Variants in DACH2 observed in about 807,000 individuals in gnomAD.
DACH2 encodes dachshund homolog 2.
Under a neutral mutation model 35.8 loss-of-function variants are expected in DACH2, and 17 were observed. That is an observed-to-expected ratio of 0.48 (90% CI 0.33 to 0.71). The LOEUF is 0.71. DACH2 is among the 30% of genes least tolerant of loss of function. The pLI is 0.02. For missense variants in DACH2, 469 were observed against 472.7 expected (o/e 0.99, Z 0.07); for synonymous variants, 195 against 177.3 (o/e 1.10, Z -0.79).
chrX:86,457,487 G>A (rs1465807909), intron 2 of DACH2, among the ~76,000 whole-genome samples: 2 of 112,040 alleles, frequency 1.8e-5, no homozygotes. Flanking sequence ...GTGTGTGTAT[G>A]TGTTACTAAG....
At chrX:86,358,013 G>T (rs1175638334) in intron 1 of DACH2, among the ~76,000 whole-genome samples, 1 of 111,349 alleles carries the variant, frequency 9.0e-6, no homozygotes, top group Non-Finnish European at 1.9e-5. Context: ...CAGGTAATGG[G>T]AACACTACAT....
chrX:86,662,996 A>T (rs1357429989), intron 4 of DACH2, among the ~76,000 whole-genome samples: 4 of 112,099 alleles, frequency 3.6e-5, no homozygotes, highest in Non-Finnish European at 7.5e-5. Flanking sequence ...ATTTATCAAA[A>T]ATTGTACTAT....
intron 10 of DACH2, 91 bp downstream of exon 10, chrX:86,814,925 A>G: frequency 3.1e-6 from 3 of 978,283 alleles, no homozygotes; most frequent in Non-Finnish European, 4.2e-6. Context: ...AGAGGAAGGC[A>G]GAAAGAAAGG....
chrX:86,808,516 T>C (rs940624579), intron 7 of DACH2, among the ~76,000 whole-genome samples: 4 of 110,908 alleles, frequency 3.6e-5, no homozygotes, highest in Non-Finnish European at 7.6e-5. Flanking sequence ...TGAAGCTATG[T>C]ACACTTCCTT....
intron 1 of DACH2, among the ~76,000 whole-genome samples, chrX:86,344,210 T>G (rs1485910306): frequency 9.2e-6 from 1 of 108,916 alleles, no homozygotes; most frequent in African/African-American, 3.3e-5. Flanking sequence ...CCACATAAAT[T>G]AAAAATAAAA....
chrX:86,458,784 G>C (rs903563237), intron 2 of DACH2, among the ~76,000 whole-genome samples: 3 of 111,419 alleles, frequency 2.7e-5, no homozygotes, highest in Non-Finnish European at 5.7e-5. Flanking sequence ...ATCATGCAGA[G>C]GCATTACTTA....
intron 1 of DACH2, among the ~76,000 whole-genome samples, chrX:86,318,689 A>G (rs887721688): frequency 9.0e-6 from 1 of 111,447 alleles, no homozygotes; most frequent in Non-Finnish European, 1.9e-5. Context: ...GTACCTAAAC[A>G]TGTTAAATAA....
intron 4 of DACH2, among the ~76,000 whole-genome samples, chrX:86,671,158 A>G (rs2040760353): frequency 8.9e-6 from 1 of 112,270 alleles, no homozygotes; most frequent in South Asian, 3.7e-4. Context: ...AGCTAGAAAT[A>G]AATACCATTA....
intron 4 of DACH2, among the ~76,000 whole-genome samples, chrX:86,672,397 A>G (rs1413864134): frequency 8.9e-6 from 1 of 111,947 alleles, no homozygotes; most frequent in Non-Finnish European, 1.9e-5. Context: ...AGAGACATTC[A>G]TGGCAGCAGC....
chrX:86,186,674 A>G (rs950228797), intron 1 of DACH2, among the ~76,000 whole-genome samples: 13 of 111,894 alleles, frequency 1.2e-4, no homozygotes, highest in African/African-American at 3.2e-5. Context: ...AATGCTGTGA[A>G]TTCAAGGAGA....
chrX:86,294,971 T>A (rs1260547120), intron 1 of DACH2, among the ~76,000 whole-genome samples: 2 of 112,278 alleles, frequency 1.8e-5, no homozygotes, highest in Non-Finnish European at 3.8e-5. Context: ...TCCTGGCTGC[T>A]TTGTTTACCT....
rs769556111 is a variant in DACH2 at position 86,217,438 on chromosome X, T to A, written c.488+68330T>A. Among the ~76,000 whole-genome samples, 5 of 111,822 alleles carry A rather than the reference T, an allele frequency of 4.5e-5. No individual in the cohort carries two copies. In the South Asian group the frequency reaches 1.9e-3, roughly 42 times the overall value. ...CCTGTTAGGGAAGTAATAAGCATGC[T>A]GTAAATTTATTACTAATAATAAAAC... On this transcript the variant is annotated intron_variant, in intron 1 of 11. Transcript: ENST00000373125.
chrX:86,289,439 A>G (rs1044153081), intron 1 of DACH2, among the ~76,000 whole-genome samples: 8 of 107,547 alleles, frequency 7.4e-5, no homozygotes, highest in Non-Finnish European at 1.3e-4. Context: ...TTATTATTAT[A>G]CTTTAAGTTT....
At chrX:86,456,506 C>A (rs1306588522) in intron 2 of DACH2, among the ~76,000 whole-genome samples, 1 of 111,141 alleles carries the variant, frequency 9.0e-6, no homozygotes, top group Non-Finnish European at 1.9e-5. Context: ...TCTTTCTATC[C>A]CTTTTATCAT....
chrX:86,731,433 G>A (rs1190108557), intron 6 of DACH2, among the ~76,000 whole-genome samples: 3 of 111,223 alleles, frequency 2.7e-5, no homozygotes, highest in Non-Finnish European at 5.7e-5. Context: ...ACTCTTCACG[G>A]CAATCTTTTC....
In DACH2 at chrX:86,315,788, G is replaced by GAC. The variant is rs774427717; in HGVS notation, c.489-60984_489-60983dup. On this transcript the variant is annotated intron_variant, in intron 1 of 11. Transcript: ENST00000373125. ...ACGGCCAAGGAAATTGAGGGTCGTG[G>GAC]ACACACACACACACACACACACACA... Among the ~76,000 whole-genome samples, 353 of 78,500 alleles carry GAC rather than the reference G, an allele frequency of 4.5e-3. 4 individuals carry two copies. Among genetic ancestry groups the GAC allele is most frequent in the Non-Finnish European group, 7.3e-3 (306 of 41,667 alleles). 68.2% of individuals were successfully genotyped at this position (78,500 alleles called of 115,157 possible).
chrX:86,472,867 C>A (rs1179854865), intron 2 of DACH2, among the ~76,000 whole-genome samples: 13 of 111,929 alleles, frequency 1.2e-4, no homozygotes. Flanking sequence ...GCATTGTTAA[C>A]TGAACCTAAT....
intron 4 of DACH2, among the ~76,000 whole-genome samples, chrX:86,688,535 C>A (rs1329839090): frequency 8.9e-6 from 1 of 111,858 alleles, no homozygotes; most frequent in East Asian, 2.8e-4. Flanking sequence ...ACTGAGAGAT[C>A]TTTGAGGGCA....
chrX:86,687,989 T>C (rs923055998), intron 4 of DACH2, among the ~76,000 whole-genome samples: 1 of 110,841 alleles, frequency 9.0e-6, no homozygotes, highest in Non-Finnish European at 1.9e-5. Flanking sequence ...AGTGTATACC[T>C]ATGTAACAAA....
Sources: allele counts gnomAD v4.1 joint callset (sites outside exome capture counted in the v4.1 genomes callset), GRCh38; gene constraint gnomAD v4.1.1; transcripts MANE v1.5; gene names NCBI Gene and HGNC (gene_info 2026-07-23, HGNC 2026-07-21).